Variants in CD5 observed in about 807,000 individuals in gnomAD.
The protein encoded by CD5 is T-cell surface glycoprotein CD5.
Under a neutral mutation model 60.3 loss-of-function variants are expected in CD5, and 36 were observed. The ratio of observed to expected loss-of-function variants is 0.60; its 90% CI spans 0.46 to 0.79. CD5 has a LOEUF of 0.79. Ranked by LOEUF, CD5 falls within the 30% of genes least tolerant of loss-of-function variation. CD5 has a pLI of 0.00. For synonymous variants in CD5, 230 were observed against 257.6 expected (o/e 0.89, Z 1.03); for missense variants, 540 against 630.6 (o/e 0.86, Z 1.54).
Position 61,119,218 on chromosome 11 carries a change from C to A in CD5, c.464-16C>A. On this transcript the variant is annotated splice_polypyrimidine_tract_variant and intron_variant, in intron 4 of 10. Coordinates refer to ENST00000347785, the MANE Select transcript of CD5 (RefSeq NM_014207.4). ...GCGCTCAGGGTGGCTCCCCCTCCTG[C>A]TCTCTCCTCTCCTAGCTCCTCCCAG... 2 of 1,568,286 alleles carry A rather than the reference C, an allele frequency of 1.3e-6. No homozygotes were observed. The highest frequency in any genetic ancestry group is 1.7e-6 in the Non-Finnish European group (2 of 1,158,218).
Position 61,125,769 on chromosome 11 carries a change from A to G in CD5, c.1418A>G (p.His473Arg), listed in dbSNP as rs1385001837. 1.9e-6 allele frequency: 3 copies of G among 1,612,208 alleles called. No individual in the cohort carries two copies. In the East Asian group the frequency reaches 6.7e-5, roughly 36 times the overall value. ...SAYPALEGALHRSSMQPDNSS... is the reference protein window; with the variant it reads ...SAYPALEGALRRSSMQPDNSS... ...TCCCCAGCTCTGGAAGGGGCTCTGC[A>G]TCGCTCCTCCATGCAGCCTGACAAC... is the stretch of plus-strand genomic sequence containing the variant. Residue 473 changes from histidine to arginine, a missense_variant, in exon 10 of 11, where the codon CAT becomes CGT. Physicochemically the swap from His to Arg is conservative, Grantham distance 29. Transcript: ENST00000347785.
At position 61,118,622 on chromosome 11, in the gene CD5, A is replaced by C; in HGVS notation, c.400+142A>C. 1 of 797,806 alleles carries C rather than the reference A, an allele frequency of 1.3e-6. No individual in the cohort carries two copies. The highest frequency in any genetic ancestry group is 2.0e-6 in the Non-Finnish European group (1 of 508,108). 49.4% of individuals were successfully genotyped at this position (797,806 alleles called of 1,614,324 possible). On this transcript the variant is annotated intron_variant, in intron 3 of 10. Coordinates refer to ENST00000347785, the MANE Select transcript of CD5 (RefSeq NM_014207.4). The surrounding 1 kb of genome is among the most constrained non-coding windows in gnomAD (Gnocchi z 4.7). The stretch of plus-strand genomic sequence containing the variant: ...AGTTTATAACCACTCCCCAAGACAC[A>C]TACCCAGGAGGGGGACTGGAAGGGG...
In CD5 at chr11:61,119,347, A is replaced by G. The variant is rs1861018011; in HGVS notation, c.577A>G (p.Thr193Ala). Residue 193 changes from threonine to alanine, a missense_variant, in exon 5 of 11, where the codon ACC (threonine) becomes GCC (alanine). By Grantham distance (58) the Thr-to-Ala change is moderately conservative (BLOSUM62 0). Coordinates refer to ENST00000347785, the MANE Select transcript of CD5 (RefSeq NM_014207.4). The part of the protein sequence containing the change: ...GTISYEAQDK[T>A]QDLENFLCNN... ...CATCAGCTATGAGGCCCAGGACAAG[A>G]CCCAGGACCTGGAGAACTTCCTCTG... 2 of 1,613,926 alleles carry G rather than the reference A, an allele frequency of 1.2e-6. No homozygotes were observed. Among genetic ancestry groups the G allele is most frequent in the Non-Finnish European group, 1.7e-6 (2 of 1,180,004 alleles).
chr11:61,100,697 T>A (rs1860661630), upstream of CD5, among the ~76,000 whole-genome samples: 1 of 112,854 alleles, frequency 8.9e-6, no homozygotes, highest in African/African-American at 3.6e-5. Context: ...AACATGGAGA[T>A]CACAAACACA....
At chr11:61,121,495 C>A (rs1861057971) in intron 5 of CD5, 116 bp from the exon 6 acceptor site, 2 of 836,294 alleles carry the variant, frequency 2.4e-6, no homozygotes, top group Admixed American at 3.0e-5. Flanking sequence ...GGTGGTCCCA[C>A]ACAGTGCCTT....
intron 1 of CD5, among the ~76,000 whole-genome samples, chr11:61,111,252 G>C (rs904012169): frequency 2.6e-5 from 4 of 152,150 alleles, no homozygotes; most frequent in Non-Finnish European, 4.4e-5. Context: ...TGGCACTCTG[G>C]AGGAGCAATT....
In CD5 at chr11:61,116,689, C is replaced by T. The variant is rs570357275; in HGVS notation, c.95-1486C>T. On this transcript the variant is annotated intron_variant, in intron 2 of 10. Transcript: ENST00000347785. ...CACCACACACACACACTACACACAC[C>T]ACATACACACCACACACACCACATG... 5.9e-4 allele frequency among the ~76,000 whole-genome samples: 79 copies of T among 134,502 alleles called. 2 individuals carry two copies. The South Asian group carries it at 0.021, about 36-fold the overall frequency. 88.2% of individuals were successfully genotyped at this position (134,502 alleles called of 152,430 possible).
At chr11:61,122,292 G>GA (rs1861073522) in intron 6 of CD5, among the ~76,000 whole-genome samples, 2 of 78,484 alleles carry the variant, frequency 2.5e-5, no homozygotes, top group South Asian at 9.1e-4. Context: ...GGATGGATTG[G>GA]TGGGTGGGTG....
chr11:61,121,815 C>G lies in CD5; in HGVS notation c.1010C>G (p.Ser337Cys). The change falls in exon 6 of 11, where the codon TCC (serine) becomes TGC (cysteine). Residue 337 changes from serine to cysteine, a missense_variant. Physicochemically the swap from Ser to Cys is moderately radical, Grantham distance 112. Transcript: ENST00000347785. ...GTGCTGGACGCTGGTGACCCAACATCCCGGGGGCTCTTCTGTCCCCATCAG... is the reference window on the plus strand; with the variant it reads ...GTGCTGGACGCTGGTGACCCAACATGCCGGGGGCTCTTCTGTCCCCATCAG... ...YRVLDAGDPT[S>C]RGLFCPHQKL... 6.2e-7 allele frequency: 1 copy of G among 1,608,494 alleles called. No homozygotes were observed. The highest frequency in any genetic ancestry group is 8.5e-7 in the Non-Finnish European group (1 of 1,175,936).
rs1388710014 is a variant in CD5, at chr11:61,122,887, A to C, written c.1100-20A>C. ...CTCCCCCCAGGACTGGGACTGACCT[A>C]ACTCTTCCTCCTTCCCCAGGCCAGG... is the stretch of plus-strand genomic sequence containing the variant. On this transcript the variant is annotated intron_variant, in intron 6 of 10. Transcript: ENST00000347785. The C allele has an allele frequency of 6.2e-7, 1 of 1,605,218 alleles. No homozygotes were observed. The highest frequency in any genetic ancestry group is 2.2e-5 in the East Asian group (1 of 44,706).
chr11:61,118,541 C>G lies in CD5; in HGVS notation c.400+61C>G. 2 of 1,529,972 alleles carry G rather than the reference C, an allele frequency of 1.3e-6. No homozygotes were observed. The highest frequency in any genetic ancestry group is 1.8e-6 in the Non-Finnish European group (2 of 1,120,950). 94.8% of individuals were successfully genotyped at this position (1,529,972 alleles called of 1,614,324 possible). ...CTGGGCGCCAGCCCCGAGGAGACTGCCCGAGGCCTGTGATCTAGGGTCTGA... is the reference window on the plus strand; with the variant it reads ...CTGGGCGCCAGCCCCGAGGAGACTGGCCGAGGCCTGTGATCTAGGGTCTGA... On this transcript the variant is annotated intron_variant, in intron 3 of 10. Coordinates refer to ENST00000347785, the MANE Select transcript of CD5 (RefSeq NM_014207.4). The surrounding 1 kb of genome is among the most constrained non-coding windows in gnomAD (Gnocchi z 4.7).
At chr11:61,107,963 C>T (rs1253018692) in intron 1 of CD5, among the ~76,000 whole-genome samples, 1 of 152,160 alleles carries the variant, frequency 6.6e-6, no homozygotes, top group Non-Finnish European at 1.5e-5. Flanking sequence ...GCTCTGGGGC[C>T]TCCCTGGGGT....
chr11:61,104,249 CAT>C (rs1479642572), intron 1 of CD5, among the ~76,000 whole-genome samples: 44 of 152,286 alleles, frequency 2.9e-4, no homozygotes, highest in South Asian at 4.1e-4. Context: ...CTCCCCAACA[CAT>C]GTGACAATGG....
chr11:61,123,812 T>TGCCCCCCCCC, intron 7 of CD5, 72 bp from the exon 8 acceptor site: 1 of 339,974 alleles, frequency 2.9e-6, no homozygotes, highest in South Asian at 2.5e-5. Context: ...CCCAGCCCCA[T>TGCCCCCCCCC]CCCCACCCCT....
At chr11:61,098,655 C>T (rs944548892), upstream of CD5, among the ~76,000 whole-genome samples, 6 of 152,216 alleles carry the variant, frequency 3.9e-5, no homozygotes, top group African/African-American at 9.7e-5. Flanking sequence ...CCCCTGCTTG[C>T]TCAATCGATC....
the CD5 span, among the ~76,000 whole-genome samples, chr11:61,094,477 T>A: frequency 2.0e-5 from 3 of 152,152 alleles, no homozygotes; most frequent in Admixed American, 2.0e-4. Context: ...TCCATTTGAG[T>A]AGAAGCGTGT....
chr11:61,105,546 G>C (rs1485074618), intron 1 of CD5, among the ~76,000 whole-genome samples: 1 of 152,110 alleles, frequency 6.6e-6, no homozygotes, highest in East Asian at 1.9e-4. Context: ...CAACAACTAT[G>C]ATTATTATTA....
At chr11:61,120,205 C>G (rs1310235461) in intron 5 of CD5, among the ~76,000 whole-genome samples, 1 of 152,038 alleles carries the variant, frequency 6.6e-6, no homozygotes, top group Non-Finnish European at 1.5e-5. Flanking sequence ...AAACCAGGAT[C>G]AATGAAGAAA....
chr11:61,123,834 CCCAT>C (rs758457341), intron 7 of CD5, 46 bp from the exon 8 acceptor site: 1 of 1,202,284 alleles, frequency 8.3e-7, no homozygotes, highest in Non-Finnish European at 1.2e-6. Flanking sequence ...CCTGCCCCCA[CCCAT>C]ACCTGCCCCC....
Sources: allele counts gnomAD v4.1 joint callset (sites outside exome capture counted in the v4.1 genomes callset), GRCh38; gene constraint gnomAD v4.1.1; non-coding constraint Gnocchi (gnomAD v3.1); transcripts MANE v1.5; gene names NCBI Gene and HGNC (gene_info 2026-07-23, HGNC 2026-07-21).